The following CRIP1 variants were observed in gnomAD, a reference collection of about 807,000 sequenced individuals.
CRIP1 encodes cysteine-rich protein 1.
CRIP1 carries 11 observed loss-of-function variants against 12.9 expected under a neutral mutation model. The observed-to-expected ratio is 0.86, with a 90% CI of 0.54 to 1.42. The LOEUF (loss-of-function observed/expected upper bound fraction) is 1.42, where lower values mean the gene tolerates loss of function less well. Ranked by LOEUF, CRIP1 falls within the 40% of genes most tolerant of loss-of-function variation. The probability of loss-of-function intolerance (pLI) is 0.00; values close to 1 mark genes in which losing one functional copy is unlikely to be tolerated. For missense variants in CRIP1, 122 were observed against 101.3 expected, an observed-to-expected ratio of 1.20 and a Z score of -0.88; for synonymous variants, 41 against 37.2, an observed-to-expected ratio of 1.10 and a Z score of -0.37.
At chr14:105,487,630 G>C in intron 2 of CRIP1, 1 of 288,112 alleles carries the variant, frequency 3.5e-6, no homozygotes, top group Non-Finnish European at 6.4e-6. Context: ...CGCGGGGCTG[G>C]GGCCGCGCCC....
Position 105,487,264 on chromosome 14 carries a change from C to T in CRIP1, c.5C>T (p.Pro2Leu). 6.5e-7 allele frequency: 1 copy of T among 1,544,746 alleles called. No homozygotes were observed. Residue 2 changes from proline (P) to leucine (L), a missense_variant, in exon 2 of 6, where the codon CCC becomes CTC. Transcript: ENST00000392531. Reference sequence around the variant, plus strand: ...TGCACCGGACCCGGAGCCGTCATGCCCAAGTGTCCCAAGTGCAACAAGGAG... The same window carrying T: ...TGCACCGGACCCGGAGCCGTCATGCTCAAGTGTCCCAAGTGCAACAAGGAG... The part of the protein sequence containing the change: M[P>L]KCPKCNKEVY...
At position 105,488,168 on chromosome 14, in the gene CRIP1, G is replaced by A. The variant is rs11544870; in HGVS notation, c.43G>A (p.Glu15Lys). ...GGGGCCTGTCTGTGCCTCTGCAGCC[G>A]AGAGGGTGACCTCTCTGGGCAAGGA... ...PKCNKEVYFA[E>K]RVTSLGKDWH... Residue 15 changes from glutamate to lysine, a missense_variant and splice_region_variant, in exon 3 of 6, where the codon GAG becomes AAG. Glu to Lys is a moderately conservative substitution (Grantham distance 56). Transcript: ENST00000392531. The A allele has an allele frequency of 4.3e-5, 70 of 1,612,244 alleles. No individual in the cohort carries two copies. The highest frequency in any genetic ancestry group is 3.5e-4 in the Middle Eastern group (2 of 5,682).
chr14:105,488,146 G>T lies in CRIP1; in HGVS notation c.41-20G>T. On this transcript the variant is annotated intron_variant, in intron 2 of 5. Transcript: ENST00000392531. ...CCGCGTCCTGCAGCGTCTCACCGGGGCCTGTCTGTGCCTCTGCAGCCGAGA... is the reference window on the plus strand; with the variant it reads ...CCGCGTCCTGCAGCGTCTCACCGGGTCCTGTCTGTGCCTCTGCAGCCGAGA... 3.1e-6 allele frequency: 5 copies of T among 1,609,140 alleles called. No homozygotes were observed. Among genetic ancestry groups the T allele is most frequent in the Non-Finnish European group, 4.2e-6 (5 of 1,178,384 alleles).
At chr14:105,488,008 G>C (rs1380149566) in intron 2 of CRIP1, 158 bp from the exon 3 acceptor site, 3 of 651,892 alleles carry the variant, frequency 4.6e-6, no homozygotes, top group Non-Finnish European at 8.0e-6. Flanking sequence ...TCCCCTCATG[G>C]AGGGTGCTGA....
At chr14:105,487,153 G>A in intron 1 of CRIP1, 46 bp from the exon 2 acceptor site, 6 of 1,471,200 alleles carry the variant, frequency 4.1e-6, no homozygotes, top group East Asian at 2.7e-5. Flanking sequence ...CAAGGGGCGG[G>A]GTCCCGGGGT....
intron 2 of CRIP1, chr14:105,487,530 G>C (rs781845942): frequency 8.6e-5 from 43 of 502,898 alleles, no homozygotes; most frequent in South Asian, 5.4e-4. Context: ...GCTACCTCTG[G>C]CTCTGAGCCT....
At chr14:105,487,808 G>A (rs2084135263) in intron 2 of CRIP1, 2 of 289,530 alleles carry the variant, frequency 6.9e-6, no homozygotes, top group Non-Finnish European at 1.3e-5. Context: ...CCACCGCAGA[G>A]GCCCGGGGCT....
In CRIP1 at chr14:105,488,179, C is replaced by T. The variant is rs1294228686; in HGVS notation, c.54C>T (p.Thr18=). The change falls in exon 3 of 6, where the codon ACC becomes ACT. Residue 18 remains threonine, a synonymous_variant. Coordinates refer to ENST00000392531, the MANE Select transcript of CRIP1 (RefSeq NM_001311.5). ...GTGCCTCTGCAGCCGAGAGGGTGAC[C>T]TCTCTGGGCAAGGACTGGCATCGGC... ...NKEVYFAERV[T]SLGKDWHRPC... 1 of 1,612,690 alleles carries T rather than the reference C, an allele frequency of 6.2e-7. No individual in the cohort carries two copies. Among genetic ancestry groups the T allele is most frequent in the East Asian group, 2.2e-5 (1 of 44,886 alleles).
At chr14:105,487,595 G>A (rs1555438301) in intron 2 of CRIP1, 1 of 359,428 alleles carries the variant, frequency 2.8e-6, no homozygotes, top group Non-Finnish European at 5.0e-6. Flanking sequence ...CGCCCTGAGT[G>A]GGGGACCCGC....
intron 2 of CRIP1, chr14:105,487,558 A>T (rs2084132757): frequency 4.4e-6 from 2 of 453,830 alleles, no homozygotes; most frequent in Admixed American, 4.4e-5. Flanking sequence ...TCTGGGTCCT[A>T]CGGTCTCTGC....
chr14:105,487,001 G>T, intron 1 of CRIP1, 29 bp downstream of exon 1: 1 of 1,261,946 alleles, frequency 7.9e-7, no homozygotes, highest in Non-Finnish European at 1.0e-6. Context: ...CTGCCCCCCC[G>T]CGCTCCGTCC....
chr14:105,488,437 C>T, intron 4 of CRIP1, 34 bp from the exon 5 acceptor site: 1 of 1,609,918 alleles, frequency 6.2e-7, no homozygotes, highest in South Asian at 1.1e-5. Context: ...CCTCCTCCAC[C>T]CCAGCCTGTT....
At position 105,487,306 on chromosome 14, in the gene CRIP1, G is replaced by A; in HGVS notation, c.40+7G>A. 6.5e-7 allele frequency: 1 copy of A among 1,541,000 alleles called. No individual in the cohort carries two copies. Among genetic ancestry groups the A allele is most frequent in the Non-Finnish European group, 8.7e-7 (1 of 1,143,242 alleles). On this transcript the variant is annotated splice_region_variant and intron_variant, in intron 2 of 5. Transcript: ENST00000392531. Reference sequence around the variant, plus strand: ...AACAAGGAGGTGTACTTCGGTGAGCGCGCCCACACCGGCCCCGCGAGGAGG... The same window carrying A: ...AACAAGGAGGTGTACTTCGGTGAGCACGCCCACACCGGCCCCGCGAGGAGG...
At chr14:105,488,417 C>T (rs781913799) in intron 4 of CRIP1, 29 bp downstream of exon 4, 1 of 1,604,990 alleles carries the variant, frequency 6.2e-7, no homozygotes, top group South Asian at 1.1e-5. Flanking sequence ...CACCCCACCC[C>T]ACCCCACAGC....
intron 1 of CRIP1, 71 bp downstream of exon 1, chr14:105,487,043 G>A (rs1376473398): frequency 7.3e-6 from 10 of 1,362,074 alleles, no homozygotes; most frequent in Non-Finnish European, 9.5e-6. Flanking sequence ...CTGAAGGCGG[G>A]GGTGGACCAG....
rs1346246205 is a variant in CRIP1, at chr14:105,487,195, CCAGTCT to C, written c.-61-2_-58del. On this transcript the variant is annotated splice_acceptor_variant and splice_polypyrimidine_tract_variant and 5_prime_UTR_variant and intron_variant, in exon 2 of 6. Transcript: ENST00000392531. LOFTEE classifies it low-confidence loss of function (5UTR_SPLICE). ...AAGGCGCGGACCAGGCCGGATCCAC[CCAGTCT>C]CGCGCCTGCAGCCCGTGCCGCCCCA... is the stretch of plus-strand genomic sequence containing the variant. 1 of 1,535,388 alleles carries C rather than the reference CCAGTCT, an allele frequency of 6.5e-7. No homozygotes were observed. Among genetic ancestry groups the C allele is most frequent in the East Asian group, 2.5e-5 (1 of 39,502 alleles).
chr14:105,488,124 C>T (rs782698981), intron 2 of CRIP1, 42 bp from the exon 3 acceptor site: 53 of 1,584,882 alleles, frequency 3.3e-5, no homozygotes, highest in Non-Finnish European at 4.0e-5. Context: ...GTAGGCGCCG[C>T]GTCCTGCAGC....
At position 105,488,256 on chromosome 14, in the gene CRIP1, C is replaced by G. The variant is rs1555438465; in HGVS notation, c.131C>G (p.Ala44Gly). 2.5e-6 allele frequency: 4 copies of G among 1,613,450 alleles called. 1 individual carries two copies. Among genetic ancestry groups the G allele is most frequent in the South Asian group, 2.2e-5 (2 of 91,090 alleles). ...CGKTLTSGGH[A>G]EHEGKPYCNH... ...AAGACGCTGACCTCTGGGGGCCACGCTGAGGTAGGTGGGACCCACCCTGGT... is the reference window on the plus strand; with the variant it reads ...AAGACGCTGACCTCTGGGGGCCACGGTGAGGTAGGTGGGACCCACCCTGGT... The change falls in exon 3 of 6, where the codon GCT (alanine) becomes GGT (glycine). Residue 44 changes from alanine to glycine, a missense_variant. Coordinates refer to ENST00000392531, the MANE Select transcript of CRIP1 (RefSeq NM_001311.5).
At chr14:105,488,413 A>T (rs782336997) in intron 4 of CRIP1, 25 bp downstream of exon 4, 1 of 405,258 alleles carries the variant, frequency 2.5e-6, no homozygotes. Flanking sequence ...TCCCCACCCC[A>T]CCCCACCCCA....
Sources: gnomAD v4.1 joint callset for allele counts on GRCh38, gnomAD v4.1.1 for gene constraint, MANE v1.5 for transcripts, NCBI Gene and HGNC (gene_info 2026-07-23, HGNC 2026-07-21) for gene names.